The following ZCCHC17 variants were observed in gnomAD, a reference collection of about 807,000 sequenced individuals.
The protein encoded by ZCCHC17 is zinc finger CCHC-type containing 17.
A neutral mutation model predicts 30.6 loss-of-function variants in ZCCHC17; 18 were observed. That is an observed-to-expected ratio of 0.59 (90% CI 0.41 to 0.87). The LOEUF (loss-of-function observed/expected upper bound fraction) is 0.87. ZCCHC17 is among the 40% of genes least tolerant of loss of function. The probability of loss-of-function intolerance (pLI) is 0.00; values close to 1 mark genes in which losing one functional copy is unlikely to be tolerated. For missense variants in ZCCHC17, 263 were observed against 284.2 expected, an observed-to-expected ratio of 0.93 and a Z score of 0.54; for synonymous variants, 88 against 92.4, an observed-to-expected ratio of 0.95 and a Z score of 0.27.
rs879663318 is a variant in ZCCHC17, at chr1:31,331,520, T to C, written c.125-5655T>C. Among the ~76,000 whole-genome samples, 9 of 152,252 alleles carry C rather than the reference T, an allele frequency of 5.9e-5. No individual in the cohort carries two copies. The East Asian group carries it at 1.2e-3, about 20-fold the overall frequency. ...TTGTCAGCTTAAAACATGGTAAACATAGTAAAAGACAGGCTGAGTGCTTGA... is the reference window on the plus strand; with the variant it reads ...TTGTCAGCTTAAAACATGGTAAACACAGTAAAAGACAGGCTGAGTGCTTGA... On this transcript the variant is annotated intron_variant, in intron 3 of 7. Coordinates refer to ENST00000344147, the MANE Select transcript of ZCCHC17 (RefSeq NM_016505.4).
chr1:31,352,305 G>A (rs1178649405), intron 7 of ZCCHC17, among the ~76,000 whole-genome samples: 1 of 151,798 alleles, frequency 6.6e-6, no homozygotes, highest in Non-Finnish European at 1.5e-5. Context: ...AAACAATAAC[G>A]CCCCCCATTC....
intron 1 of ZCCHC17, among the ~76,000 whole-genome samples, chr1:31,304,285 C>G (rs1419941682): frequency 9.2e-6 from 1 of 109,176 alleles, no homozygotes; most frequent in Non-Finnish European, 2.2e-5. Flanking sequence ...TTTTTTTTTT[C>G]TTTCTGAGAC....
At chr1:31,352,971 C>T (rs6696452) in intron 7 of ZCCHC17, among the ~76,000 whole-genome samples, 9,214 of 152,208 alleles carry the variant, frequency 0.061, 533 homozygotes, top group South Asian at 0.21. Context: ...TCCCATTGTA[C>T]GTTCCCATCA....
In ZCCHC17 at chr1:31,319,163, C is replaced by G. The variant is rs765078134; in HGVS notation, c.121C>G (p.Gln41Glu). The G allele has an allele frequency of 1.2e-6, 2 of 1,610,410 alleles. No individual in the cohort carries two copies. The highest frequency in any genetic ancestry group is 1.7e-6 in the Non-Finnish European group (2 of 1,177,296). Residue 41 changes from glutamine (Q) to glutamate (E), a missense_variant, in exon 3 of 8, where the codon CAA becomes GAA. By Grantham distance (29) the Gln-to-Glu change is conservative. Coordinates refer to ENST00000344147, the MANE Select transcript of ZCCHC17 (RefSeq NM_016505.4). ...TATCAAAATCCCAGGCTGTCGGAAG[C>G]AAGGTAGGAGTTTATAACTTGAAAT... The part of the protein sequence containing the change: ...AFIKIPGCRK[Q>E]GLVHRTHMSS...
rs186283997 is a variant in ZCCHC17 at position 31,343,248 on chromosome 1, C to T, written c.318-3392C>T. ...CTAATTTTTGTATTTTTAGTAGAGA[C>T]GGGGTTTCACCATGTTGGCCAGGCT... On this transcript the variant is annotated intron_variant, in intron 5 of 7. Transcript: ENST00000344147. 1.1e-4 allele frequency among the ~76,000 whole-genome samples: 17 copies of T among 152,162 alleles called. No individual in the cohort carries two copies. In the East Asian group the frequency reaches 1.4e-3, roughly 12 times the overall value.
At chr1:31,299,519 GA>G (rs1461380604) in intron 1 of ZCCHC17, among the ~76,000 whole-genome samples, 1 of 152,152 alleles carries the variant, frequency 6.6e-6, no homozygotes, top group African/African-American at 2.4e-5. Flanking sequence ...ATTGAATTTG[GA>G]ACTGAGTTAA....
chr1:31,303,644 G>C (rs1343700454), intron 1 of ZCCHC17, among the ~76,000 whole-genome samples: 1 of 152,062 alleles, frequency 6.6e-6, no homozygotes, highest in African/African-American at 2.4e-5. Context: ...AGTTGCATGT[G>C]TACTTTAAAA....
rs78862150 is a variant in ZCCHC17 at position 31,336,588 on chromosome 1, T to G, written c.125-587T>G. Reference sequence around the variant, plus strand: ...GTTGACCAGGCTGGTCTCAAACTCCTTGCCTCAAGGTATTCTCCCATCTTG... The same window carrying G: ...GTTGACCAGGCTGGTCTCAAACTCCGTGCCTCAAGGTATTCTCCCATCTTG... On this transcript the variant is annotated intron_variant, in intron 3 of 7. Coordinates refer to ENST00000344147, the MANE Select transcript of ZCCHC17 (RefSeq NM_016505.4). Among the ~76,000 whole-genome samples, 884 of 152,356 alleles carry G rather than the reference T, an allele frequency of 5.8e-3. 70 individuals are homozygous for G. In the East Asian group the frequency reaches 0.14, roughly 25 times the overall value.
chr1:31,337,331 T>G (rs1638861915), intron 4 of ZCCHC17, 56 bp downstream of exon 4: 4 of 1,497,156 alleles, frequency 2.7e-6, no homozygotes, highest in Non-Finnish European at 3.7e-6. Flanking sequence ...AGCTGGGATT[T>G]TTGATATTTT....
intron 3 of ZCCHC17, 129 bp downstream of exon 3, chr1:31,319,295 T>A: frequency 1.4e-6 from 1 of 690,162 alleles, no homozygotes; most frequent in Non-Finnish European, 2.4e-6. Flanking sequence ...TTTTAATGTA[T>A]AGATATGAAT....
At chr1:31,351,495 G>C (rs1462840088) in intron 7 of ZCCHC17, among the ~76,000 whole-genome samples, 1 of 151,102 alleles carries the variant, frequency 6.6e-6, no homozygotes, top group East Asian at 1.9e-4. Flanking sequence ...GCTCATGCCT[G>C]TAATCCCAGC....
chr1:31,350,805 T>G (rs1425143262), intron 7 of ZCCHC17, among the ~76,000 whole-genome samples: 1 of 152,194 alleles, frequency 6.6e-6, no homozygotes, highest in African/African-American at 2.4e-5. Context: ...TTTCACCATG[T>G]TGGCCAGGGT....
At position 31,319,157 on chromosome 1, in the gene ZCCHC17, C is replaced by G. The variant is rs763921307; in HGVS notation, c.115C>G (p.Arg39Gly). 5.0e-6 allele frequency: 8 copies of G among 1,610,030 alleles called. No individual in the cohort carries two copies. The highest frequency in any genetic ancestry group is 6.8e-6 in the Non-Finnish European group (8 of 1,177,050). Residue 39 changes from arginine to glycine, a missense_variant, in exon 3 of 8, where the codon CGG (arginine) becomes GGG (glycine). Arg to Gly is a moderately radical substitution (Grantham distance 125). Coordinates refer to ENST00000344147, the MANE Select transcript of ZCCHC17 (RefSeq NM_016505.4). Reference sequence around the variant, plus strand: ...GGCCTTTATCAAAATCCCAGGCTGTCGGAAGCAAGGTAGGAGTTTATAACT... The same window carrying G: ...GGCCTTTATCAAAATCCCAGGCTGTGGGAAGCAAGGTAGGAGTTTATAACT... ...YGAFIKIPGC[R>G]KQGLVHRTHM...
chr1:31,323,374 T>G (rs922036827), intron 3 of ZCCHC17, among the ~76,000 whole-genome samples: 3 of 151,990 alleles, frequency 2.0e-5, no homozygotes, highest in African/African-American at 7.3e-5. Context: ...CAGGCTGGAG[T>G]GCAGTGGCAC....
intron 5 of ZCCHC17, among the ~76,000 whole-genome samples, chr1:31,343,361 A>C (rs1639117273): frequency 6.6e-6 from 1 of 152,156 alleles, no homozygotes; most frequent in Non-Finnish European, 1.5e-5. Flanking sequence ...CACCCAGCCC[A>C]TGAATTTTTT....
At chr1:31,360,104 C>T (rs1053960140) in intron 7 of ZCCHC17, among the ~76,000 whole-genome samples, 10 of 152,116 alleles carry the variant, frequency 6.6e-5, no homozygotes, top group Admixed American at 1.3e-4. Flanking sequence ...CTCAGCCTCC[C>T]GAGTAGCTGG....
chr1:31,360,229 G>A (rs1171313307), intron 7 of ZCCHC17, among the ~76,000 whole-genome samples: 2 of 151,462 alleles, frequency 1.3e-5, no homozygotes, highest in African/African-American at 4.9e-5. Context: ...GAGTGCAGTG[G>A]CGCGATCTTG....
intron 5 of ZCCHC17, among the ~76,000 whole-genome samples, chr1:31,346,170 G>C (rs1639264104): frequency 6.6e-6 from 1 of 152,138 alleles, no homozygotes; most frequent in African/African-American, 2.4e-5. Flanking sequence ...CAGAGAGGGG[G>C]AGAACTGCCT....
chr1:31,338,646 C>T (rs899082140), intron 4 of ZCCHC17, among the ~76,000 whole-genome samples: 1 of 152,224 alleles, frequency 6.6e-6, no homozygotes, highest in Non-Finnish European at 1.5e-5. Flanking sequence ...CTCAACAAAT[C>T]ACTATGCTGA....
Sources: allele counts gnomAD v4.1 joint callset (sites outside exome capture counted in the v4.1 genomes callset), GRCh38; gene constraint gnomAD v4.1.1; transcripts MANE v1.5; gene names NCBI Gene and HGNC (gene_info 2026-07-23, HGNC 2026-07-21).